Variants in ANO5 observed in about 807,000 individuals in gnomAD.
The protein encoded by ANO5 is anoctamin-5.
In ANO5, 109 loss-of-function variants were observed where a neutral mutation model predicts 121.0. The ratio of observed to expected loss-of-function variants is 0.90; its 90% CI spans 0.77 to 1.06. The LOEUF (loss-of-function observed/expected upper bound fraction) is 1.06. Among genes scored for constraint, ANO5 ranks in the 50% least tolerant of loss-of-function variants. ANO5 has a pLI of 0.00. For missense variants in ANO5, 1,064 were observed against 1,078.5 expected, an observed-to-expected ratio of 0.99 and a Z score of 0.19; for synonymous variants, 406 against 359.9, an observed-to-expected ratio of 1.13 and a Z score of -1.45.
At chr11:22,276,478 T>G (rs1050767458) in intron 21 of ANO5, among the ~76,000 whole-genome samples, 2 of 151,810 alleles carry the variant, frequency 1.3e-5, no homozygotes, top group Non-Finnish European at 3.0e-5. Flanking sequence ...AATAACCCAC[T>G]GATTTTAGAG....
At chr11:22,245,659 T>G (rs1395334068) in intron 9 of ANO5, among the ~76,000 whole-genome samples, 1 of 152,220 alleles carries the variant, frequency 6.6e-6, no homozygotes, top group African/African-American at 2.4e-5. Context: ...TGTTTTTTTA[T>G]GGACGTGGCC....
chr11:22,242,262 C>T (rs2133675608), intron 9 of ANO5, among the ~76,000 whole-genome samples: 1 of 152,156 alleles, frequency 6.6e-6, no homozygotes, highest in African/African-American at 2.4e-5. Flanking sequence ...TTACCAGTAC[C>T]ATGCTGTTTT....
chr11:22,196,501 G>GTTTT (rs34588581), intron 1 of ANO5, among the ~76,000 whole-genome samples: 9 of 145,580 alleles, frequency 6.2e-5, no homozygotes, highest in South Asian at 2.2e-4. Flanking sequence ...TGTTATGAGA[G>GTTTT]TTTTTTTTTT....
intron 2 of ANO5, among the ~76,000 whole-genome samples, 176 bp from the exon 3 acceptor site, chr11:22,211,088 G>C (rs190243079): frequency 3.2e-4 from 48 of 152,002 alleles, no homozygotes; most frequent in Admixed American, 3.3e-4. Flanking sequence ...ACACATACAT[G>C]AACACACATG....
rs1187893937 is a variant in ANO5, at chr11:22,282,989, T to G, written c.*3224T>G. On this transcript the variant is annotated 3_prime_UTR_variant, in exon 22 of 22. Transcript: ENST00000324559. ...AGTCGGTATAACTACTGTGTTATTC[T>G]TTTTCTAGACAAATTTTGACTCTTC... The G allele has an allele frequency of 6.6e-6, 1 of 152,242 alleles. No individual in the cohort carries two copies. Among genetic ancestry groups the G allele is most frequent in the African/African-American group, 2.4e-5 (1 of 41,462 alleles). 9.4% of individuals were successfully genotyped at this position (152,242 alleles called of 1,614,324 possible).
intron 12 of ANO5, among the ~76,000 whole-genome samples, chr11:22,253,494 C>A (rs1422728776): frequency 1.3e-5 from 2 of 152,074 alleles, no homozygotes; most frequent in African/African-American, 4.8e-5. Context: ...TAACCAAATA[C>A]TGCTTCTAAA....
intron 2 of ANO5, among the ~76,000 whole-genome samples, chr11:22,209,956 G>T (rs1418964285): frequency 1.3e-5 from 2 of 151,852 alleles, no homozygotes; most frequent in African/African-American, 4.8e-5. Flanking sequence ...TTTGTTTATT[G>T]TCTTAGCAGA....
chr11:22,243,886 T>C (rs867692716), intron 9 of ANO5, among the ~76,000 whole-genome samples: 2 of 152,210 alleles, frequency 1.3e-5, no homozygotes, highest in South Asian at 2.1e-4. Flanking sequence ...ATCTTGTGTA[T>C]AGATTTTTGC....
At chr11:22,199,292 A>G (rs1851895816) in intron 1 of ANO5, among the ~76,000 whole-genome samples, 1 of 152,196 alleles carries the variant, frequency 6.6e-6, no homozygotes, top group Admixed American at 6.5e-5. Flanking sequence ...TGCCAAGTAC[A>G]TGCATTATCT....
At chr11:22,277,955 T>C (rs1352568103) in intron 21 of ANO5, 1 of 150,662 alleles carries the variant, frequency 6.6e-6, no homozygotes, top group East Asian at 1.9e-4. Flanking sequence ...TTTTGAGAAA[T>C]TGAAGATTGA....
intron 3 of ANO5, among the ~76,000 whole-genome samples, chr11:22,216,493 C>G (rs984151004): frequency 2.0e-5 from 3 of 151,614 alleles, no homozygotes. Flanking sequence ...TTCATAGATA[C>G]TCTTTTATGA....
chr11:22,229,779 CA>C (rs1308918636), intron 7 of ANO5, among the ~76,000 whole-genome samples: 1 of 152,010 alleles, frequency 6.6e-6, no homozygotes, highest in African/African-American at 2.4e-5. Context: ...TAGTCGAATT[CA>C]ACTTTAAAGC....
At chr11:22,226,150 T>C (rs1445764325) in intron 6 of ANO5, 98 bp downstream of exon 6, 7 of 964,442 alleles carry the variant, frequency 7.3e-6, no homozygotes, top group Non-Finnish European at 4.9e-6. Context: ...TTGGGGGCAA[T>C]ACAATAGCTC....
chr11:22,218,187 T>C, intron 3 of ANO5, 59 bp from the exon 4 acceptor site: 3 of 1,596,284 alleles, frequency 1.9e-6, no homozygotes, highest in Non-Finnish European at 2.6e-6. Context: ...GTCTTTTTTT[T>C]GGAATCTTTA....
chr11:22,259,347 C>G (rs1476406556), intron 14 of ANO5, among the ~76,000 whole-genome samples, 172 bp from the exon 15 acceptor site: 2 of 152,088 alleles, frequency 1.3e-5, no homozygotes, highest in Non-Finnish European at 2.9e-5. Context: ...TTTTACCTTG[C>G]CAGTGTTCAT....
chr11:22,226,760 T>G (rs1220338773), intron 6 of ANO5, among the ~76,000 whole-genome samples: 1 of 152,098 alleles, frequency 6.6e-6, no homozygotes, highest in Admixed American at 6.6e-5. Context: ...TCTCCCATTT[T>G]CAGTGAACTA....
intron 1 of ANO5, among the ~76,000 whole-genome samples, chr11:22,200,054 G>C (rs149714684): frequency 6.6e-6 from 1 of 152,134 alleles, no homozygotes; most frequent in African/African-American, 2.4e-5. Flanking sequence ...ATTATCTACT[G>C]AGTTATACAG....
At chr11:22,224,790 G>A (rs559400307) in intron 5 of ANO5, among the ~76,000 whole-genome samples, 3 of 152,122 alleles carry the variant, frequency 2.0e-5, no homozygotes, top group East Asian at 1.9e-4. Context: ...TAAAGAAAAC[G>A]TGGCAAATAC....
rs142231201 is a variant in ANO5 at position 22,275,586 on chromosome 11, G to T, written c.2415-508G>T. ...TTATAGAAGAGAATGAACTCACAAAGTTGAACATTAAGAAAACTTCAGAAT... is the reference window on the plus strand; with the variant it reads ...TTATAGAAGAGAATGAACTCACAAATTTGAACATTAAGAAAACTTCAGAAT... On this transcript the variant is annotated intron_variant, in intron 20 of 21. Coordinates refer to ENST00000324559, the MANE Select transcript of ANO5 (RefSeq NM_213599.3). Among the ~76,000 whole-genome samples, 1,107 of 151,920 alleles carry T rather than the reference G, an allele frequency of 7.3e-3. 9 individuals carry two copies. Among genetic ancestry groups the T allele is most frequent in the African/African-American group, 0.025 (1,053 of 41,504 alleles).
Sources: gnomAD v4.1 joint callset for allele counts (sites outside exome capture counted in the v4.1 genomes callset) on GRCh38, gnomAD v4.1.1 for gene constraint, MANE v1.5 for transcripts, NCBI Gene and HGNC (gene_info 2026-07-23, HGNC 2026-07-21) for gene names.